Variants in NFIB observed in about 807,000 individuals in gnomAD.
NFIB encodes nuclear factor I B, also known as nuclear factor 1 B-type.
Under a neutral mutation model 61.5 loss-of-function variants are expected in NFIB, and 11 were observed. The observed-to-expected ratio is 0.18, with a 90% CI of 0.11 to 0.30. The LOEUF is 0.30. Among genes scored for constraint, NFIB ranks in the 10% least tolerant of loss-of-function variants. The probability of loss-of-function intolerance (pLI) is 1.00; values close to 1 mark genes in which losing one functional copy is unlikely to be tolerated. For synonymous variants in NFIB, 260 were observed against 216.5 expected, an observed-to-expected ratio of 1.20 and a Z score of -1.76; for missense variants, 471 against 608.9, an observed-to-expected ratio of 0.77 and a Z score of 2.38.
the NFIB span, among the ~76,000 whole-genome samples, chr9:14,444,426 G>GC: frequency 6.6e-6 from 1 of 152,190 alleles, no homozygotes; most frequent in Non-Finnish European, 1.5e-5. Flanking sequence ...CACTTGGGCT[G>GC]CTTGATGGAA....
At chr9:14,095,392 C>T (rs1250172696) in intron 10 of NFIB, among the ~76,000 whole-genome samples, 1 of 152,054 alleles carries the variant, frequency 6.6e-6, no homozygotes, top group Admixed American at 6.6e-5. Context: ...AATTATCAGG[C>T]TCAGAGCAAT....
At chr9:14,520,058 T>C in the NFIB span, among the ~76,000 whole-genome samples, 2 of 152,232 alleles carry the variant, frequency 1.3e-5, no homozygotes, top group Non-Finnish European at 2.9e-5. Flanking sequence ...CTATTTATAA[T>C]GTTTAACTTT....
intron 2 of NFIB, among the ~76,000 whole-genome samples, chr9:14,289,606 T>C (rs528884765): frequency 6.6e-6 from 1 of 151,734 alleles, no homozygotes; most frequent in African/African-American, 2.4e-5. Context: ...CACATACATA[T>C]ACATACATAC....
At chr9:14,516,550 A>C in the NFIB span, among the ~76,000 whole-genome samples, 1 of 152,204 alleles carries the variant, frequency 6.6e-6, no homozygotes, top group African/African-American at 2.4e-5. Context: ...TTGCATGGGA[A>C]ATTATCTGTT....
At chr9:14,512,960 A>C in the NFIB span, among the ~76,000 whole-genome samples, 15 of 151,896 alleles carry the variant, frequency 9.9e-5, no homozygotes, top group Non-Finnish European at 2.9e-5. Flanking sequence ...GATTAGAGAA[A>C]ATTCTGTTAA....
intron 2 of NFIB, among the ~76,000 whole-genome samples, chr9:14,190,942 C>T (rs1363558285): frequency 1.3e-5 from 2 of 152,096 alleles, no homozygotes; most frequent in Non-Finnish European, 2.9e-5. Flanking sequence ...CCTTTAATCC[C>T]AACACTATGG....
At position 14,116,272 on chromosome 9, in the gene NFIB, G is replaced by A. The variant is rs1164007481; in HGVS notation, c.1320C>T (p.Pro440=). The change falls in exon 9 of 11, where the codon CCC becomes CCT. Residue 440 remains proline, a synonymous_variant. Coordinates refer to ENST00000380953, the MANE Select transcript of NFIB (RefSeq NM_001190737.2). The part of the protein sequence containing the change: ...FTPVLAPSPH[P]SAVRPVTLSM... ...TCAGGGTCACAGGTCGCACTGCACT[G>A]GGATGGGGAGAGGGTGCCAAGACAG... The A allele has an allele frequency of 1.3e-6, 2 of 1,538,354 alleles. No individual in the cohort carries two copies. The highest frequency in any genetic ancestry group is 4.0e-5 in the Admixed American group (2 of 49,476).
intron 1 of NFIB, among the ~76,000 whole-genome samples, chr9:14,338,371 G>GT (rs2060909339): frequency 6.6e-6 from 1 of 150,856 alleles, no homozygotes; most frequent in Non-Finnish European, 1.5e-5. Context: ...TCCAGCCTGG[G>GT]TGACAGAGCG....
intron 2 of NFIB, among the ~76,000 whole-genome samples, chr9:14,279,775 A>G (rs1424354672): frequency 1.3e-5 from 2 of 152,200 alleles, no homozygotes; most frequent in Non-Finnish European, 2.9e-5. Flanking sequence ...AGACCTCAAT[A>G]GAAGGTACAC....
At chr9:14,423,006 C>T in the NFIB span, among the ~76,000 whole-genome samples, 4 of 152,116 alleles carry the variant, frequency 2.6e-5, no homozygotes, top group Non-Finnish European at 5.9e-5. Flanking sequence ...TTTTTAAGAG[C>T]TATATGGATT....
At chr9:14,288,044 A>G (rs970315519) in intron 2 of NFIB, among the ~76,000 whole-genome samples, 5 of 152,158 alleles carry the variant, frequency 3.3e-5, no homozygotes, top group African/African-American at 1.2e-4. Flanking sequence ...TAACTTAAGA[A>G]TATTTTTAAA....
the NFIB span, among the ~76,000 whole-genome samples, chr9:14,420,452 A>G: frequency 6.7e-6 from 1 of 148,578 alleles, no homozygotes; most frequent in African/African-American, 2.5e-5. Flanking sequence ...TCTCAAAAAA[A>G]AAAAAAAAAA....
rs765368669 is a variant in NFIB, at chr9:14,307,557, A to T, written c.31-37T>A. ...AGAGGGGTGAGGAAAAGATGTGCATAGTCAGTTTAATTTTAAAAGCTCAAA... is the reference window on the plus strand; with the variant it reads ...AGAGGGGTGAGGAAAAGATGTGCATTGTCAGTTTAATTTTAAAAGCTCAAA... On this transcript the variant is annotated intron_variant, in intron 1 of 10. Coordinates refer to ENST00000380953, the MANE Select transcript of NFIB (RefSeq NM_001190737.2). The surrounding 1 kb of genome is among the most constrained non-coding windows in gnomAD (Gnocchi z 5.3). 1.3e-6 allele frequency: 2 copies of T among 1,508,466 alleles called. No homozygotes were observed. Among genetic ancestry groups the T allele is most frequent in the Admixed American group, 4.5e-5 (2 of 44,572 alleles). The allele number at this position is 1,508,466 out of a possible 1,614,324, so 93.4% of individuals were successfully genotyped here.
At chr9:14,181,981 T>C (rs1248884434) in intron 2 of NFIB, among the ~76,000 whole-genome samples, 1 of 152,232 alleles carries the variant, frequency 6.6e-6, no homozygotes, top group Non-Finnish European at 1.5e-5. Context: ...TTCCATCATC[T>C]GTTGCTAAAA....
At chr9:14,399,653 A>C (rs1026526472), upstream of NFIB, among the ~76,000 whole-genome samples, 4 of 152,208 alleles carry the variant, frequency 2.6e-5, no homozygotes, top group Non-Finnish European at 5.9e-5. Context: ...AAAATTCTTG[A>C]AAGCCAGAAG....
At position 14,146,670 on chromosome 9, in the gene NFIB, G is replaced by T. The variant is rs770887014; in HGVS notation, c.925+19C>A. 5 of 1,612,750 alleles carry T rather than the reference G, an allele frequency of 3.1e-6. No individual in the cohort carries two copies. The highest frequency in any genetic ancestry group is 3.4e-6 in the Non-Finnish European group (4 of 1,179,220). ...AACATTTTACTCATGGTCTCTAGAGGCATCTCCTTATTACTCACCTTGATC... is the reference window on the plus strand; with the variant it reads ...AACATTTTACTCATGGTCTCTAGAGTCATCTCCTTATTACTCACCTTGATC... On this transcript the variant is annotated intron_variant, in intron 6 of 10. Transcript: ENST00000380953.
the NFIB span, among the ~76,000 whole-genome samples, chr9:14,466,715 C>T: frequency 6.6e-6 from 1 of 152,176 alleles, no homozygotes; most frequent in Non-Finnish European, 1.5e-5. Flanking sequence ...TCTCCTCCCT[C>T]TCTATTCTTC....
intron 2 of NFIB, among the ~76,000 whole-genome samples, chr9:14,223,035 A>G (rs2051893254): frequency 1.3e-5 from 2 of 152,100 alleles, no homozygotes; most frequent in Admixed American, 1.3e-4. Context: ...CCACACATAC[A>G]CTAACACTAA....
intron 1 of NFIB, among the ~76,000 whole-genome samples, chr9:14,339,328 C>T (rs76850257): frequency 0.014 from 2,123 of 152,246 alleles, 44 homozygotes; most frequent in African/African-American, 0.048. Flanking sequence ...GTATGTGCAA[C>T]GGAAGTTGTA....
Sources: gnomAD v4.1 joint callset for allele counts (sites outside exome capture counted in the v4.1 genomes callset) on GRCh38, gnomAD v4.1.1 for gene constraint, Gnocchi (gnomAD v3.1) non-coding constraint, MANE v1.5 for transcripts, NCBI Gene and HGNC (gene_info 2026-07-23, HGNC 2026-07-21) for gene names.